Variants in FAM47E observed in about 807,000 individuals in gnomAD.
FAM47E encodes family with sequence similarity 47 member E.
A neutral mutation model predicts 41.6 loss-of-function variants in FAM47E; 32 were observed. The ratio of observed to expected loss-of-function variants is 0.77; its 90% CI spans 0.58 to 1.03. FAM47E has a LOEUF of 1.03. Among genes scored for constraint, FAM47E ranks in the 50% least tolerant of loss-of-function variants. FAM47E has a pLI of 0.00. For missense variants in FAM47E, 424 were observed against 485.4 expected (o/e 0.87, Z 1.19); for synonymous variants, 184 against 188.7 (o/e 0.98, Z 0.20).
chr4:76,258,241 C>G (rs1734268692), intron 2 of FAM47E, among the ~76,000 whole-genome samples: 1 of 152,162 alleles, frequency 6.6e-6, no homozygotes, highest in Admixed American at 6.5e-5. Context: ...TTAGCAACCC[C>G]AGCAGAAAGA....
At chr4:76,242,811 C>T (rs1257184358) in intron 2 of FAM47E, among the ~76,000 whole-genome samples, 1 of 152,102 alleles carries the variant, frequency 6.6e-6, no homozygotes, top group South Asian at 2.1e-4. Flanking sequence ...CTAAATAAGA[C>T]ATATTATTAT....
chr4:76,225,345 T>A (rs1020911185), intron 2 of FAM47E, among the ~76,000 whole-genome samples: 6 of 152,202 alleles, frequency 3.9e-5, no homozygotes, highest in Non-Finnish European at 4.4e-5. Context: ...CAGCGAACAG[T>A]GACAGTTTGA....
intron 1 of FAM47E, among the ~76,000 whole-genome samples, chr4:76,252,251 C>T (rs1411427365): frequency 6.6e-6 from 1 of 151,896 alleles, no homozygotes; most frequent in Non-Finnish European, 1.5e-5. Flanking sequence ...ATCCAGATGG[C>T]GGCTGTGGCC....
At chr4:76,282,895 ATG>A (rs796786667) in intron 7 of FAM47E, 26 of 153,094 alleles carry the variant, frequency 1.7e-4, no homozygotes, top group East Asian at 3.8e-4. Context: ...ATGTGTGTGT[ATG>A]TGTGTGTGTG....
upstream of FAM47E, among the ~76,000 whole-genome samples, chr4:76,247,910 C>CTTTTTTTTTTTTTT (rs753751295): frequency 1.5e-4 from 13 of 86,840 alleles, no homozygotes; most frequent in African/African-American, 2.1e-4. Context: ...CACTCTCTCT[C>CTTTTTTTTTTTTTT]TTTTTTTTTT....
chr4:76,267,330 G>T lies in FAM47E; in HGVS notation c.561-1330G>T, dbSNP rs57192060. Among the ~76,000 whole-genome samples, 450 of 152,312 alleles carry T rather than the reference G, an allele frequency of 3.0e-3. 4 individuals are homozygous for T. The East Asian group carries it at 0.042, about 14-fold the overall frequency. On this transcript the variant is annotated intron_variant, in intron 3 of 7. Transcript: ENST00000424749. ...CACATGTATGTTGAGATATGAAGGGGATAAGGAAATGGTGACAGCATTGCA... is the reference window on the plus strand; with the variant it reads ...CACATGTATGTTGAGATATGAAGGGTATAAGGAAATGGTGACAGCATTGCA...
chr4:76,236,194 C>CA (rs1257312683), intron 2 of FAM47E: 5 of 152,118 alleles, frequency 3.3e-5, no homozygotes, highest in Non-Finnish European at 7.4e-5. Context: ...TTATAGTTCT[C>CA]ACAAGAATGT....
At position 76,232,389 on chromosome 4, in the gene FAM47E, C is replaced by T. The variant is rs143447869; in HGVS notation, c.81+14701C>T. ...AGCCTGTATTTGAGAGCACCTGTTA[C>T]AGTTCTACGGCTTATTCTAAATCAT... On this transcript the variant is annotated intron_variant, in intron 2 of 7. Coordinates refer to the FAM47E transcript ENST00000510197. Among the ~76,000 whole-genome samples the T allele has an allele frequency of 1.8e-3, 274 of 152,144 alleles. 1 individual carries two copies. Among genetic ancestry groups the T allele is most frequent in the Middle Eastern group, 6.8e-3 (2 of 294 alleles).
At position 76,263,885 on chromosome 4, in the gene FAM47E, A is replaced by G. The variant is rs1296218851; in HGVS notation, c.560+42A>G. The G allele has an allele frequency of 6.5e-6, 10 of 1,539,550 alleles. No individual in the cohort carries two copies. The East Asian group carries it at 2.5e-4, about 38-fold the overall frequency. ...ACCCTTCGATCATTGCTGTCACCTG[A>G]TGAAACATTCTAGGAATTACCTTCT... On this transcript the variant is annotated intron_variant, in intron 3 of 7. Transcript: ENST00000424749.
chr4:76,262,735 C>T (rs1420456028), intron 2 of FAM47E, among the ~76,000 whole-genome samples: 1 of 152,032 alleles, frequency 6.6e-6, no homozygotes, highest in Admixed American at 6.6e-5. Context: ...TGGGTAACTG[C>T]ACATAGAGTG....
intron 1 of FAM47E, among the ~76,000 whole-genome samples, chr4:76,215,070 C>T (rs550960309): frequency 3.3e-5 from 5 of 152,376 alleles, no homozygotes; most frequent in Non-Finnish European, 5.9e-5. Flanking sequence ...CCTTAGTATC[C>T]CTGCTGTGCT....
At chr4:76,224,923 C>T (rs2109982102) in intron 2 of FAM47E, among the ~76,000 whole-genome samples, 1 of 152,054 alleles carries the variant, frequency 6.6e-6, no homozygotes, top group East Asian at 1.9e-4. Context: ...CCCCCCAAGT[C>T]CCCAGAGTCC....
chr4:76,248,495 T>A (rs934882732), upstream of FAM47E, among the ~76,000 whole-genome samples: 1 of 152,126 alleles, frequency 6.6e-6, no homozygotes, highest in African/African-American at 2.4e-5. Flanking sequence ...TCTCCAAGAC[T>A]TAGGGTAGGG....
chr4:76,236,635 T>C (rs537804471), intron 2 of FAM47E: 11 of 147,384 alleles, frequency 7.5e-5, no homozygotes, highest in Admixed American at 3.4e-4. Context: ...AAGAAATACA[T>C]TGGTTTGGTC....
intron 1 of FAM47E, among the ~76,000 whole-genome samples, 195 bp from the exon 2 acceptor site, chr4:76,255,983 G>A (rs768331469): frequency 1.1e-4 from 16 of 152,066 alleles, no homozygotes; most frequent in Non-Finnish European, 2.2e-4. Flanking sequence ...GGCTTTGTAC[G>A]GAGCAGCAAT....
chr4:76,268,950 T>C, intron 4 of FAM47E, 182 bp downstream of exon 4: 1 of 712,404 alleles, frequency 1.4e-6, no homozygotes, highest in Non-Finnish European at 2.1e-6. Flanking sequence ...TATGTATAAA[T>C]AGAAATATTT....
At chr4:76,272,240 T>C (rs1177575429) in intron 5 of FAM47E, among the ~76,000 whole-genome samples, 2 of 152,190 alleles carry the variant, frequency 1.3e-5, no homozygotes, top group Admixed American at 6.5e-5. Context: ...TCTGTAAAGA[T>C]GGAAGAACAA....
intron 7 of FAM47E, chr4:76,282,151 A>T (rs970875045): frequency 3.9e-5 from 6 of 152,346 alleles, no homozygotes; most frequent in South Asian, 4.1e-4. Context: ...TTAAAATAGA[A>T]ACACAATCTT....
At chr4:76,228,009 C>T (rs1733427934) in intron 2 of FAM47E, among the ~76,000 whole-genome samples, 1 of 152,006 alleles carries the variant, frequency 6.6e-6, no homozygotes, top group Non-Finnish European at 1.5e-5. Context: ...TTAAGTGGAA[C>T]ATTTAGGCCA....
Sources: gnomAD v4.1 joint callset for allele counts (sites outside exome capture counted in the v4.1 genomes callset) on GRCh38, gnomAD v4.1.1 for gene constraint, MANE v1.5 for transcripts, NCBI Gene and HGNC (gene_info 2026-07-23, HGNC 2026-07-21) for gene names.